Variants in CLVS1 observed in about 807,000 individuals in gnomAD.
The protein encoded by CLVS1 is clavesin 1.
Under a neutral mutation model 33.1 loss-of-function variants are expected in CLVS1, and 10 were observed. The ratio of observed to expected loss-of-function variants is 0.30; its 90% CI spans 0.19 to 0.51. The LOEUF (loss-of-function observed/expected upper bound fraction) is 0.51. Ranked by LOEUF, CLVS1 falls within the 20% of genes least tolerant of loss-of-function variation. The pLI is 0.97. For missense variants in CLVS1, 343 were observed against 433.4 expected (o/e 0.79, Z 1.85); for synonymous variants, 163 against 166.1 (o/e 0.98, Z 0.14).
chr8:61,365,026 T>C (rs1260266049), intron 2 of CLVS1, among the ~76,000 whole-genome samples: 1 of 152,212 alleles, frequency 6.6e-6, no homozygotes, highest in Non-Finnish European at 1.5e-5. Context: ...GACTGCAGAA[T>C]ATCATTGAGA....
intron 1 of CLVS1, 156 bp downstream of exon 1, chr8:61,288,294 C>A (rs1396801348): frequency 8.8e-6 from 4 of 455,738 alleles, no homozygotes; most frequent in East Asian, 6.9e-5. Flanking sequence ...CACCGCACCC[C>A]GCTCCCCGCC....
chr8:61,445,828 A>G (rs1241068806), intron 3 of CLVS1, among the ~76,000 whole-genome samples: 1 of 152,226 alleles, frequency 6.6e-6, no homozygotes, highest in Non-Finnish European at 1.5e-5. Flanking sequence ...TATAAATCAC[A>G]CATTTAATTT....
intron 3 of CLVS1, among the ~76,000 whole-genome samples, chr8:61,400,487 G>T (rs1035560853): frequency 2.0e-5 from 3 of 152,128 alleles, no homozygotes; most frequent in African/African-American, 7.2e-5. Context: ...AACAAAGATA[G>T]TTTGGCTTCT....
chr8:61,404,099 G>C (rs1357322790), intron 3 of CLVS1, among the ~76,000 whole-genome samples: 2 of 152,190 alleles, frequency 1.3e-5, no homozygotes, highest in Non-Finnish European at 2.9e-5. Flanking sequence ...GGAGCTGCTG[G>C]CGGATAAATA....
intron 3 of CLVS1, among the ~76,000 whole-genome samples, chr8:61,384,589 T>C (rs975586464): frequency 5.9e-5 from 9 of 152,106 alleles, no homozygotes; most frequent in African/African-American, 1.4e-4. Flanking sequence ...ACTGGTGATA[T>C]CGTGCAGACA....
the CLVS1 span, among the ~76,000 whole-genome samples, chr8:61,025,747 C>G: frequency 6.6e-6 from 1 of 152,178 alleles, no homozygotes; most frequent in Admixed American, 6.5e-5. Context: ...TCCCTGCCAA[C>G]GTGCTGATCC....
intron 3 of CLVS1, among the ~76,000 whole-genome samples, chr8:61,413,467 C>A (rs952543933): frequency 6.6e-6 from 1 of 152,006 alleles, no homozygotes; most frequent in Non-Finnish European, 1.5e-5. Context: ...AGATGGTGGG[C>A]TGGACAGGAG....
chr8:61,340,348 C>A (rs76813617), intron 2 of CLVS1, among the ~76,000 whole-genome samples: 3 of 152,174 alleles, frequency 2.0e-5, no homozygotes, highest in Non-Finnish European at 2.9e-5. Flanking sequence ...AACATCTCCC[C>A]AGTCCTCCAG....
intron 4 of CLVS1, 88 bp from the exon 5 acceptor site, chr8:61,458,219 T>C (rs1182114196): frequency 1.0e-6 from 1 of 966,548 alleles, no homozygotes; most frequent in Non-Finnish European, 1.6e-6. Flanking sequence ...TGCATCCAAT[T>C]TGTCATGGCT....
chr8:61,121,382 C>G lies in CLVS1; in HGVS notation c.-242-10388C>G, dbSNP rs139735788. ...TAGACCAGAGCTGTTCCTATTCGGC[C>G]ATCTTGGCTCCTTATTCACCGGCAA... is the stretch of plus-strand genomic sequence containing the variant. On this transcript the variant is annotated intron_variant, in intron 1 of 2. Coordinates refer to the CLVS1 transcript ENST00000522621. Among the ~76,000 whole-genome samples the G allele has an allele frequency of 1.2e-3, 179 of 152,254 alleles. 1 individual carries two copies. Among genetic ancestry groups the G allele is most frequent in the Non-Finnish European group, 1.9e-3 (130 of 68,016 alleles).
rs1259693993 is a variant in CLVS1, at chr8:61,077,491, ATTG to A, written c.-243+20262_-243+20264del. Among the ~76,000 whole-genome samples, 430 of 120,246 alleles carry A rather than the reference ATTG, an allele frequency of 3.6e-3. 4 individuals are homozygous for A. Among genetic ancestry groups the A allele is most frequent in the African/African-American group, 0.013 (409 of 30,460 alleles). 78.9% of individuals were successfully genotyped at this position (120,246 alleles called of 152,430 possible). ...TATTATTATTATTATTATTATTATT[ATTG>A]AGACGGAGTCTCACTCTGTGGCCCA... is the stretch of plus-strand genomic sequence containing the variant. On this transcript the variant is annotated intron_variant, in intron 1 of 2. Transcript: ENST00000522621.
At chr8:61,028,179 C>T in the CLVS1 span, among the ~76,000 whole-genome samples, 1 of 152,090 alleles carries the variant, frequency 6.6e-6, no homozygotes, top group African/African-American at 2.4e-5. Flanking sequence ...GGCAAGGCAG[C>T]AGTGATGTAT....
intron 1 of CLVS1, among the ~76,000 whole-genome samples, chr8:61,113,062 G>A (rs919985138): frequency 2.6e-5 from 4 of 152,074 alleles, no homozygotes; most frequent in Non-Finnish European, 4.4e-5. Flanking sequence ...GACAGGAGGC[G>A]GCCCTCACTG....
At chr8:61,126,933 C>A (rs145062273) in intron 1 of CLVS1, among the ~76,000 whole-genome samples, 2 of 152,318 alleles carry the variant, frequency 1.3e-5, no homozygotes, top group African/African-American at 4.8e-5. Context: ...AGTCAAATAT[C>A]CATCGTCAAC....
the CLVS1 span, among the ~76,000 whole-genome samples, chr8:60,965,586 C>T: frequency 1.4e-4 from 21 of 152,202 alleles, no homozygotes; most frequent in East Asian, 4.1e-3. Context: ...AACAAAAGAG[C>T]CCCAGGCCGC....
At chr8:61,437,430 T>C (rs1563553045) in intron 3 of CLVS1, among the ~76,000 whole-genome samples, 1 of 152,242 alleles carries the variant, frequency 6.6e-6, no homozygotes, top group Non-Finnish European at 1.5e-5. Context: ...GTACTGTTTA[T>C]TTTGCAGATA....
At chr8:61,137,855 C>T (rs1405975146) in intron 2 of CLVS1, among the ~76,000 whole-genome samples, 1 of 152,230 alleles carries the variant, frequency 6.6e-6, no homozygotes, top group East Asian at 1.9e-4. Context: ...GACTCTCCTG[C>T]TGGCAGGTGT....
intron 2 of CLVS1, among the ~76,000 whole-genome samples, chr8:61,337,795 G>T (rs1222258049): frequency 6.6e-6 from 1 of 152,218 alleles, no homozygotes; most frequent in East Asian, 1.9e-4. Context: ...CAGGGCGGGG[G>T]TCTAGATTCT....
intron 3 of CLVS1, among the ~76,000 whole-genome samples, chr8:61,397,522 T>A (rs1273024456): frequency 6.6e-6 from 1 of 152,200 alleles, no homozygotes; most frequent in Non-Finnish European, 1.5e-5. Flanking sequence ...AGGTTTCAAT[T>A]TTCATGAAGT....
Sources: allele counts gnomAD v4.1 joint callset (sites outside exome capture counted in the v4.1 genomes callset), GRCh38; gene constraint gnomAD v4.1.1; transcripts MANE v1.5; gene names NCBI Gene and HGNC (gene_info 2026-07-23, HGNC 2026-07-21).